The following DKK2 variants were observed in gnomAD, a reference collection of about 807,000 sequenced individuals.
DKK2 encodes dickkopf-related protein 2.
Under a neutral mutation model 28.1 loss-of-function variants are expected in DKK2, and 11 were observed. The observed-to-expected ratio is 0.39, with a 90% CI of 0.25 to 0.65. DKK2 has a LOEUF of 0.65. Ranked by LOEUF, DKK2 falls within the 30% of genes least tolerant of loss-of-function variation. The probability of loss-of-function intolerance (pLI) is 0.47; values close to 1 mark genes in which losing one functional copy is unlikely to be tolerated. For synonymous variants in DKK2, 135 were observed against 126.5 expected, an observed-to-expected ratio of 1.07 and a Z score of -0.45; for missense variants, 326 against 335.5, an observed-to-expected ratio of 0.97 and a Z score of 0.22.
intron 1 of DKK2, among the ~76,000 whole-genome samples, chr4:106,982,814 G>A (rs1369244828): frequency 2.0e-5 from 3 of 151,312 alleles, no homozygotes; most frequent in East Asian, 3.9e-4. Flanking sequence ...TAAGGTGGGA[G>A]GATTGTTTGA....
At chr4:106,957,098 G>A (rs1388905610) in intron 1 of DKK2, among the ~76,000 whole-genome samples, 2 of 152,152 alleles carry the variant, frequency 1.3e-5, no homozygotes, top group Admixed American at 6.5e-5. Context: ...CAAAGGACAT[G>A]AACAGACACG....
At position 106,997,999 on chromosome 4, in the gene DKK2, T is replaced by C. The variant is rs1046515552; in HGVS notation, c.222+37371A>G. ...ATGCTTAACATCAAGCTCTTGTTTC[T>C]AGAATTACAGTCTTAAAGCTGTCAG... On this transcript the variant is annotated intron_variant, in intron 1 of 3. Coordinates refer to ENST00000285311, the MANE Select transcript of DKK2 (RefSeq NM_014421.3). Among the ~76,000 whole-genome samples, 3 of 152,190 alleles carry C rather than the reference T, an allele frequency of 2.0e-5. No homozygotes were observed. The South Asian group carries it at 6.2e-4, about 31-fold the overall frequency.
chr4:106,972,348 G>T (rs1722879716), intron 1 of DKK2, among the ~76,000 whole-genome samples: 1 of 150,642 alleles, frequency 6.6e-6, no homozygotes, highest in African/African-American at 2.4e-5. Context: ...ATAGCTTCTT[G>T]ATTATTACTT....
At chr4:106,965,649 G>T (rs1363545239) in intron 1 of DKK2, among the ~76,000 whole-genome samples, 2 of 150,732 alleles carry the variant, frequency 1.3e-5, no homozygotes, top group Admixed American at 6.6e-5. Context: ...CATTGTGCAG[G>T]TTAGTTACAT....
chr4:107,028,206 T>A (rs1372536033), intron 1 of DKK2, among the ~76,000 whole-genome samples: 2 of 152,230 alleles, frequency 1.3e-5, no homozygotes, highest in African/African-American at 2.4e-5. Flanking sequence ...AAATGTGACA[T>A]CATGTGTATG....
chr4:106,972,301 C>T (rs1265112059), intron 1 of DKK2, among the ~76,000 whole-genome samples: 7 of 151,754 alleles, frequency 4.6e-5, no homozygotes, highest in African/African-American at 1.5e-4. Flanking sequence ...GCAAGTATCT[C>T]GCTTCTTCAT....
intron 1 of DKK2, among the ~76,000 whole-genome samples, chr4:106,958,837 C>CAAAAAAAAAAAAAAAAAAAAAAAAAAA: frequency 1.5e-5 from 1 of 67,000 alleles, no homozygotes; most frequent in South Asian, 4.7e-4. Flanking sequence ...AACTCAATCT[C>CAAAAAAAAAAAAAAAAAAAAAAAAAAA]AAAAAAAAAA....
At chr4:106,954,887 C>G (rs567226407) in intron 1 of DKK2, among the ~76,000 whole-genome samples, 15 of 152,102 alleles carry the variant, frequency 9.9e-5, no homozygotes, top group Admixed American at 2.0e-4. Flanking sequence ...ACAGAAAATA[C>G]CATCAATGTT....
chr4:106,924,768 C>T (rs987999458), intron 2 of DKK2, 68 bp from the exon 3 acceptor site: 75 of 1,450,730 alleles, frequency 5.2e-5, no homozygotes, highest in Non-Finnish European at 6.6e-5. Flanking sequence ...TCCACATACT[C>T]TCTTGATGTG....
chr4:106,956,158 A>C (rs1722587156), intron 1 of DKK2, among the ~76,000 whole-genome samples: 1 of 152,170 alleles, frequency 6.6e-6, no homozygotes, highest in Non-Finnish European at 1.5e-5. Flanking sequence ...ATATTTGTTA[A>C]GATGATTCTC....
intron 1 of DKK2, among the ~76,000 whole-genome samples, chr4:106,994,855 G>A (rs1723249778): frequency 6.6e-6 from 1 of 152,158 alleles, no homozygotes; most frequent in Non-Finnish European, 1.5e-5. Context: ...CTCCTGTTTG[G>A]CCAACACATG....
chr4:107,011,383 C>T (rs1437598159), intron 1 of DKK2, among the ~76,000 whole-genome samples: 2 of 151,464 alleles, frequency 1.3e-5, no homozygotes, highest in Non-Finnish European at 1.5e-5. Context: ...GTTGATTTTC[C>T]TAAAGTGGAA....
intron 1 of DKK2, among the ~76,000 whole-genome samples, chr4:106,996,824 T>C (rs1458867060): frequency 6.6e-6 from 1 of 152,196 alleles, no homozygotes; most frequent in African/African-American, 2.4e-5. Context: ...AACCTAATTT[T>C]AGTTTGACTG....
intron 1 of DKK2, among the ~76,000 whole-genome samples, chr4:106,978,591 C>T (rs367870509): frequency 6.6e-6 from 1 of 152,050 alleles, no homozygotes; most frequent in Admixed American, 6.5e-5. Flanking sequence ...GCCCCTCCCC[C>T]CACCAAGCTC....
At chr4:107,013,120 C>A (rs866939801) in intron 1 of DKK2, among the ~76,000 whole-genome samples, 7 of 151,206 alleles carry the variant, frequency 4.6e-5, no homozygotes, top group Non-Finnish European at 8.9e-5. Flanking sequence ...TATTATTTAT[C>A]TTTTCTTTGC....
At chr4:106,930,448 A>G (rs960722130) in intron 1 of DKK2, among the ~76,000 whole-genome samples, 4 of 152,212 alleles carry the variant, frequency 2.6e-5, no homozygotes, top group Non-Finnish European at 1.5e-5. Flanking sequence ...TGAAAGGAGA[A>G]AAAGTGTTTT....
At chr4:106,969,632 G>T (rs1246304320) in intron 1 of DKK2, among the ~76,000 whole-genome samples, 1 of 151,482 alleles carries the variant, frequency 6.6e-6, no homozygotes, top group Non-Finnish European at 1.5e-5. Flanking sequence ...TGTAAACTTT[G>T]AAAGCTTTTG....
chr4:107,000,645 G>A (rs1195543811), intron 1 of DKK2, among the ~76,000 whole-genome samples: 1 of 152,054 alleles, frequency 6.6e-6, no homozygotes, highest in Non-Finnish European at 1.5e-5. Context: ...TTCCAAAGTT[G>A]TGGCACTTTT....
chr4:107,024,091 A>G lies in DKK2; in HGVS notation c.222+11279T>C, dbSNP rs201232219. 2.0e-5 allele frequency among the ~76,000 whole-genome samples: 3 copies of G among 152,242 alleles called. No homozygotes were observed. The East Asian group carries it at 5.8e-4, about 29-fold the overall frequency. ...TTTTGCACCAATACAACCTGGCTTT[A>G]CAATTGGTTATTTCTCTGAACTTTG... On this transcript the variant is annotated intron_variant, in intron 1 of 3. Coordinates refer to ENST00000285311, the MANE Select transcript of DKK2 (RefSeq NM_014421.3).
Sources: allele counts gnomAD v4.1 joint callset (sites outside exome capture counted in the v4.1 genomes callset), GRCh38; gene constraint gnomAD v4.1.1; transcripts MANE v1.5; gene names NCBI Gene and HGNC (gene_info 2026-07-23, HGNC 2026-07-21).